MARCHF1: variants seen among roughly 807,000 people sequenced by gnomAD.
MARCHF1 encodes the protein E3 ubiquitin-protein ligase MARCHF1.
MARCHF1 carries 40 observed loss-of-function variants against 54.2 expected under a neutral mutation model. The observed-to-expected ratio is 0.74, with a 90% CI of 0.57 to 0.96. The LOEUF is 0.96. Ranked by LOEUF, MARCHF1 falls within the 40% of genes least tolerant of loss-of-function variation. MARCHF1 has a pLI of 0.00. For missense variants in MARCHF1, 586 were observed against 656.5 expected (o/e 0.89, Z 1.17); for synonymous variants, 236 against 236.3 (o/e 1.00, Z 0.01).
At chr4:164,343,708 T>A (rs954684494) in intron 1 of MARCHF1, among the ~76,000 whole-genome samples, 2 of 152,086 alleles carry the variant, frequency 1.3e-5, no homozygotes, top group African/African-American at 4.8e-5. Context: ...ATGGCTATTA[T>A]TAAAAAGTCA....
chr4:164,249,752 G>A (rs1398855069), intron 1 of MARCHF1, among the ~76,000 whole-genome samples: 4 of 129,942 alleles, frequency 3.1e-5, no homozygotes, highest in African/African-American at 1.0e-4. Flanking sequence ...CTAGAATACA[G>A]ACGGTTAGGA....
chr4:163,903,037 C>T (rs1476987362), intron 3 of MARCHF1, among the ~76,000 whole-genome samples: 1 of 152,142 alleles, frequency 6.6e-6, no homozygotes, highest in Non-Finnish European at 1.5e-5. Flanking sequence ...CAACAACCTC[C>T]ATTTCTAAAA....
chr4:164,214,464 T>TA lies in MARCHF1; in HGVS notation c.-322-102803dup, dbSNP rs146137763. On this transcript the variant is annotated intron_variant, in intron 1 of 9. Coordinates refer to ENST00000514618, the MANE Select transcript of MARCHF1 (RefSeq NM_001394959.1). Reference sequence around the variant, plus strand: ...TAACTTCATTGAATCCCCATTATTCTAAAAAAAAACCCTCCACTTTTTAAA... The same window carrying TA: ...TAACTTCATTGAATCCCCATTATTCTAAAAAAAAAACCCTCCACTTTTTAAA... Among the ~76,000 whole-genome samples, 918 of 151,192 alleles carry TA rather than the reference T, an allele frequency of 6.1e-3. 4 individuals carry two copies. The highest frequency in any genetic ancestry group is 0.02 in the African/African-American group (839 of 41,276).
chr4:164,256,571 G>A (rs1654038923), intron 1 of MARCHF1, among the ~76,000 whole-genome samples: 1 of 151,738 alleles, frequency 6.6e-6, no homozygotes, highest in African/African-American at 2.4e-5. Context: ...AAAAAAGAAG[G>A]GAAAAATAAG....
At chr4:164,327,439 G>C (rs559848139) in intron 1 of MARCHF1, among the ~76,000 whole-genome samples, 2 of 152,154 alleles carry the variant, frequency 1.3e-5, no homozygotes, top group Admixed American at 1.3e-4. Flanking sequence ...GCAACAGGTG[G>C]AGCTAAAGTC....
At chr4:163,636,054 C>A (rs1742307708) in intron 5 of MARCHF1, among the ~76,000 whole-genome samples, 2 of 152,240 alleles carry the variant, frequency 1.3e-5, no homozygotes, top group South Asian at 4.2e-4. Context: ...ACCCTTCATG[C>A]TAAAAACTCT....
At chr4:163,807,157 T>C (rs1413623956) in intron 4 of MARCHF1, among the ~76,000 whole-genome samples, 1 of 152,124 alleles carries the variant, frequency 6.6e-6, no homozygotes, top group Admixed American at 6.6e-5. Context: ...ATAAAATTGG[T>C]GAAGAGGAGC....
At chr4:164,241,300 T>G (rs533073762) in intron 1 of MARCHF1, among the ~76,000 whole-genome samples, 2 of 152,258 alleles carry the variant, frequency 1.3e-5, no homozygotes, top group East Asian at 3.9e-4. Context: ...GAAGGGGATT[T>G]GAGAAATACC....
At chr4:163,960,494 T>C (rs1365854139) in intron 3 of MARCHF1, among the ~76,000 whole-genome samples, 1 of 151,980 alleles carries the variant, frequency 6.6e-6, no homozygotes, top group Non-Finnish European at 1.5e-5. Flanking sequence ...AATGAGCTTG[T>C]GCCTTTTGAG....
rs186278522 is a variant in MARCHF1, at chr4:164,185,905, G to C, written c.-322-74243C>G. Among the ~76,000 whole-genome samples, 247 of 151,930 alleles carry C rather than the reference G, an allele frequency of 1.6e-3. 1 individual carries two copies. The highest frequency in any genetic ancestry group is 2.9e-3 in the Admixed American group (45 of 15,258). On this transcript the variant is annotated intron_variant, in intron 1 of 9. Coordinates refer to ENST00000514618, the MANE Select transcript of MARCHF1 (RefSeq NM_001394959.1). ...TAAGACAAATGCCAATTTCTGGTTT[G>C]GTTTTGAGATGGAATCTCGCTCTTG... is the stretch of plus-strand genomic sequence containing the variant.
At chr4:163,828,458 A>G (rs1748918351) in intron 4 of MARCHF1, among the ~76,000 whole-genome samples, 1 of 152,084 alleles carries the variant, frequency 6.6e-6, no homozygotes, top group African/African-American at 2.4e-5. Flanking sequence ...AATGTAGCTG[A>G]ATGGGGGGCA....
intron 2 of MARCHF1, among the ~76,000 whole-genome samples, chr4:164,030,249 GC>G: frequency 6.6e-6 from 1 of 151,706 alleles, no homozygotes; most frequent in East Asian, 1.9e-4. Context: ...ATCAAAAGAT[GC>G]TTTTTTTGGA....
At chr4:164,147,178 T>G (rs1729773510) in intron 1 of MARCHF1, among the ~76,000 whole-genome samples, 1 of 151,580 alleles carries the variant, frequency 6.6e-6, no homozygotes, top group South Asian at 2.1e-4. Flanking sequence ...AAACAACAGG[T>G]GCTGGAGAGG....
intron 5 of MARCHF1, among the ~76,000 whole-genome samples, chr4:163,645,363 T>G (rs552256871): frequency 2.0e-5 from 3 of 152,046 alleles, no homozygotes; most frequent in Admixed American, 2.0e-4. Flanking sequence ...TGGAACCTAA[T>G]AGGAGAAAGC....
At chr4:163,626,067 G>A (rs1741860671) in intron 5 of MARCHF1, among the ~76,000 whole-genome samples, 1 of 152,198 alleles carries the variant, frequency 6.6e-6, no homozygotes, top group Non-Finnish European at 1.5e-5. Context: ...TCTTTGAAAT[G>A]AAGCATTCTT....
chr4:164,061,677 A>G (rs1754618831), intron 2 of MARCHF1, among the ~76,000 whole-genome samples: 1 of 151,854 alleles, frequency 6.6e-6, no homozygotes, highest in East Asian at 1.9e-4. Flanking sequence ...AACTTAAAGT[A>G]TAATAATAAT....
Position 164,062,167 on chromosome 4 carries a change from C to T in MARCHF1, c.-248+49421G>A, listed in dbSNP as rs115325111. Among the ~76,000 whole-genome samples the T allele has an allele frequency of 3.0e-3, 464 of 152,302 alleles. 3 individuals carry two copies. The highest frequency in any genetic ancestry group is 0.01 in the African/African-American group (434 of 41,582). On this transcript the variant is annotated intron_variant, in intron 2 of 9. Transcript: ENST00000514618. ...TCAGAGAATCACTTTCTTTGCTCAT[C>T]CATAAGAAACAACTTCTCATTCATT...
intron 3 of MARCHF1, among the ~76,000 whole-genome samples, chr4:163,872,526 G>T (rs1296127916): frequency 6.6e-6 from 1 of 152,152 alleles, no homozygotes. Context: ...TTTTGGAAGA[G>T]ATTATTTTGT....
chr4:163,891,741 A>G (rs530250529), intron 3 of MARCHF1, among the ~76,000 whole-genome samples: 3 of 152,206 alleles, frequency 2.0e-5, no homozygotes, highest in African/African-American at 7.2e-5. Context: ...AAACAGAGCT[A>G]AAGCAGGTTA....
Sources: allele counts gnomAD v4.1 joint callset (sites outside exome capture counted in the v4.1 genomes callset), GRCh38; gene constraint gnomAD v4.1.1; transcripts MANE v1.5; gene names NCBI Gene and HGNC (gene_info 2026-07-23, HGNC 2026-07-21).